Variants in PTPRG observed in about 807,000 individuals in gnomAD.
The protein encoded by PTPRG is protein tyrosine phosphatase receptor type G, also known as receptor-type tyrosine-protein phosphatase gamma.
PTPRG carries 102 observed loss-of-function variants against 165.3 expected under a neutral mutation model. The observed-to-expected ratio is 0.62, with a 90% CI of 0.53 to 0.73. The LOEUF (loss-of-function observed/expected upper bound fraction) is 0.73. Among genes scored for constraint, PTPRG ranks in the 30% least tolerant of loss-of-function variants. The pLI, the probability that PTPRG is intolerant of heterozygous loss-of-function variation, is 0.00. For missense variants in PTPRG, 1,866 were observed against 1,861.4 expected (o/e 1.00, Z -0.05); for synonymous variants, 675 against 669.5 (o/e 1.01, Z -0.13).
intron 2 of PTPRG, among the ~76,000 whole-genome samples, chr3:61,816,060 G>C (rs2107232423): frequency 6.6e-6 from 1 of 152,268 alleles, no homozygotes; most frequent in South Asian, 2.1e-4. Flanking sequence ...ACTCTTTTAA[G>C]TTTGTTATGA....
Position 61,748,996 on chromosome 3 carries a change from T to G in PTPRG, c.190+14T>G. 1 of 1,601,798 alleles carries G rather than the reference T, an allele frequency of 6.2e-7. No individual in the cohort carries two copies. Among genetic ancestry groups the G allele is most frequent in the Non-Finnish European group, 8.5e-7 (1 of 1,169,602 alleles). On this transcript the variant is annotated intron_variant, in intron 2 of 29. Coordinates refer to ENST00000474889, the MANE Select transcript of PTPRG (RefSeq NM_002841.4). ...GGGCCTACTCTGGTAAGTCCAGTTG[T>G]TCTAATGGAGATCACACAGGCCAGT... is the stretch of plus-strand genomic sequence containing the variant.
intron 5 of PTPRG, among the ~76,000 whole-genome samples, chr3:62,103,750 G>T (rs1307087902): frequency 2.0e-5 from 3 of 152,142 alleles, no homozygotes; most frequent in Non-Finnish European, 2.9e-5. Context: ...ACACAGGCTG[G>T]GGCAGCATCC....
chr3:62,087,887 C>T (rs17065970), intron 5 of PTPRG, among the ~76,000 whole-genome samples: 1 of 152,142 alleles, frequency 6.6e-6, no homozygotes, highest in Non-Finnish European at 1.5e-5. Context: ...TAGTTACAAT[C>T]TTCGATCCTA....
chr3:61,618,849 T>G (rs1371596771), intron 1 of PTPRG, among the ~76,000 whole-genome samples: 1 of 151,904 alleles, frequency 6.6e-6, no homozygotes, highest in African/African-American at 2.4e-5. Flanking sequence ...GTGATCATAA[T>G]TAGTACCTTA....
chr3:62,285,825 C>T (rs1445197734), intron 28 of PTPRG, among the ~76,000 whole-genome samples: 1 of 152,122 alleles, frequency 6.6e-6, no homozygotes, highest in Non-Finnish European at 1.5e-5. Flanking sequence ...ACCCAAATTA[C>T]TCTACTCACT....
intron 2 of PTPRG, among the ~76,000 whole-genome samples, chr3:61,907,186 T>C (rs1400241919): frequency 1.3e-5 from 2 of 152,042 alleles, no homozygotes; most frequent in South Asian, 2.1e-4. Flanking sequence ...ATATTTATTA[T>C]AGAATATGAT....
At chr3:61,881,445 G>A (rs1467528852) in intron 2 of PTPRG, among the ~76,000 whole-genome samples, 3 of 152,168 alleles carry the variant, frequency 2.0e-5, no homozygotes, top group Non-Finnish European at 4.4e-5. Flanking sequence ...TTACAAATAT[G>A]CAACACAGCA....
intron 4 of PTPRG, among the ~76,000 whole-genome samples, chr3:62,011,032 G>A (rs2034197627): frequency 6.6e-6 from 1 of 152,154 alleles, no homozygotes; most frequent in Non-Finnish European, 1.5e-5. Context: ...ATGGTTTCCG[G>A]TTGCCCCCTT....
chr3:62,109,589 G>A (rs76984697), intron 5 of PTPRG, among the ~76,000 whole-genome samples: 1 of 152,150 alleles, frequency 6.6e-6, no homozygotes, highest in African/African-American at 2.4e-5. Flanking sequence ...TCCTTTAATA[G>A]CTGGTGCAGC....
Position 62,254,459 on chromosome 3 carries a change from G to T in PTPRG, c.2468-665G>T, listed in dbSNP as rs1328524475. Among the ~76,000 whole-genome samples the T allele has an allele frequency of 6.6e-6, 1 of 152,036 alleles. No individual in the cohort carries two copies. Among genetic ancestry groups the T allele is most frequent in the African/African-American group, 2.4e-5 (1 of 41,400 alleles). On this transcript the variant is annotated intron_variant, in intron 15 of 29. Transcript: ENST00000474889. The surrounding 1 kb of genome is among the most constrained non-coding windows in gnomAD (Gnocchi z 4.6). ...TTGAAGTGACAACACGAAATAAATG[G>T]GAATGTGGAGTCTTCCCGAATCTAT... is the stretch of plus-strand genomic sequence containing the variant.
intron 3 of PTPRG, among the ~76,000 whole-genome samples, chr3:61,999,357 G>C (rs1325955279): frequency 6.6e-6 from 1 of 152,106 alleles, no homozygotes; most frequent in South Asian, 2.1e-4. Context: ...TGGGGATCTC[G>C]TTTTGAAGTG....
intron 1 of PTPRG, among the ~76,000 whole-genome samples, chr3:61,628,493 T>C (rs1701677799): frequency 6.6e-6 from 1 of 151,914 alleles, no homozygotes; most frequent in African/African-American, 2.4e-5. Context: ...TTTTTGTTGT[T>C]GTTGTTATTG....
At chr3:61,642,440 T>C (rs1702093029) in intron 1 of PTPRG, among the ~76,000 whole-genome samples, 1 of 152,166 alleles carries the variant, frequency 6.6e-6, no homozygotes, top group Non-Finnish European at 1.5e-5. Flanking sequence ...TGTCCTCAGA[T>C]AATTCTGGGA....
intron 1 of PTPRG, among the ~76,000 whole-genome samples, chr3:61,609,361 T>A (rs1204973113): frequency 6.6e-6 from 1 of 152,216 alleles, no homozygotes; most frequent in South Asian, 2.1e-4. Flanking sequence ...TGGGGAACTT[T>A]ATATATGTTG....
chr3:61,633,231 G>A (rs1033632322), intron 1 of PTPRG, among the ~76,000 whole-genome samples: 5 of 152,198 alleles, frequency 3.3e-5, no homozygotes, highest in Non-Finnish European at 7.3e-5. Flanking sequence ...TGGAGTGTGA[G>A]TTTCATGATG....
At chr3:62,088,257 C>T (rs1012288449) in intron 5 of PTPRG, among the ~76,000 whole-genome samples, 4 of 152,208 alleles carry the variant, frequency 2.6e-5, no homozygotes, top group African/African-American at 9.7e-5. Flanking sequence ...CCACAACCAA[C>T]AGTTAGCAGC....
At chr3:61,816,032 C>G (rs981378277) in intron 2 of PTPRG, among the ~76,000 whole-genome samples, 1 of 152,112 alleles carries the variant, frequency 6.6e-6, no homozygotes, top group Non-Finnish European at 1.5e-5. Context: ...TTAGGTCTTC[C>G]CTGCCTGCTG....
chr3:61,700,934 C>T (rs920250674), intron 1 of PTPRG, among the ~76,000 whole-genome samples: 2 of 152,190 alleles, frequency 1.3e-5, no homozygotes, highest in African/African-American at 4.8e-5. Context: ...CACCTGTAAG[C>T]TTTGCCCCTA....
chr3:62,072,162 T>C (rs2106731528), intron 4 of PTPRG, among the ~76,000 whole-genome samples: 1 of 152,320 alleles, frequency 6.6e-6, no homozygotes, highest in East Asian at 1.9e-4. Flanking sequence ...TGTATCACAC[T>C]AGTACCTTAC....
Sources: allele counts gnomAD v4.1 joint callset (sites outside exome capture counted in the v4.1 genomes callset), GRCh38; gene constraint gnomAD v4.1.1; non-coding constraint Gnocchi (gnomAD v3.1); transcripts MANE v1.5; gene names NCBI Gene and HGNC (gene_info 2026-07-23, HGNC 2026-07-21).